The following RAB38 variants were observed in gnomAD, a reference collection of about 807,000 sequenced individuals.
RAB38 encodes the protein ras-related protein Rab-38.
A neutral mutation model predicts 18.4 loss-of-function variants in RAB38; 15 were observed. That is an observed-to-expected ratio of 0.82 (90% confidence interval 0.55 to 1.26). The LOEUF (loss-of-function observed/expected upper bound fraction) is 1.26. Among genes scored for constraint, RAB38 ranks in the 50% most tolerant of loss-of-function variants. RAB38 has a pLI of 0.00. For synonymous variants in RAB38, 101 were observed against 104.4 expected (o/e 0.97, Z 0.20); for missense variants, 294 against 267.4 (o/e 1.10, Z -0.69).
the RAB38 span, among the ~76,000 whole-genome samples, chr11:88,024,161 G>A: frequency 0.072 from 10,977 of 152,052 alleles, 646 homozygotes; most frequent in African/African-American, 0.14. Flanking sequence ...CAAGGGATTA[G>A]TAATAACCAG....
downstream of RAB38, among the ~76,000 whole-genome samples, chr11:88,112,136 T>C (rs1373146304): frequency 1.3e-5 from 2 of 152,222 alleles, no homozygotes; most frequent in African/African-American, 2.4e-5. Context: ...AATATTTCAG[T>C]ATATCAAGAC....
chr11:87,815,533 G>A, the RAB38 span: 1 of 152,142 alleles, frequency 6.6e-6, no homozygotes. Context: ...ATCCGTGAAG[G>A]ATTGTTAGAT....
intron 1 of RAB38, among the ~76,000 whole-genome samples, chr11:88,158,012 A>G (rs539422499): frequency 2.5e-4 from 38 of 152,256 alleles, no homozygotes; most frequent in Non-Finnish European, 4.4e-4. Context: ...GAAAGAATGA[A>G]CAAGATCAAT....
chr11:88,008,609 T>C, the RAB38 span, among the ~76,000 whole-genome samples: 3 of 152,352 alleles, frequency 2.0e-5, no homozygotes, highest in Middle Eastern at 3.4e-3. Context: ...CTGACTAATA[T>C]ACTCTCCAGA....
At chr11:87,976,816 T>C in the RAB38 span, among the ~76,000 whole-genome samples, 1 of 80,892 alleles carries the variant, frequency 1.2e-5, no homozygotes, top group African/African-American at 5.4e-5. Flanking sequence ...TATTATATAT[T>C]ATACAATGTA....
chr11:87,845,820 A>G, the RAB38 span, among the ~76,000 whole-genome samples: 4,444 of 152,244 alleles, frequency 0.029, 138 homozygotes, highest in African/African-American at 0.076. Context: ...TGGGAAGAAA[A>G]CAATTAGACT....
At chr11:87,841,253 A>G in the RAB38 span, among the ~76,000 whole-genome samples, 1 of 152,176 alleles carries the variant, frequency 6.6e-6, no homozygotes, top group Non-Finnish European at 1.5e-5. Context: ...AAGTAATTTA[A>G]TCATGAGGCG....
chr11:87,937,334 ATATATATATATATATATC>A, the RAB38 span, among the ~76,000 whole-genome samples: 21 of 92,928 alleles, frequency 2.3e-4, no homozygotes, highest in Non-Finnish European at 3.7e-4. Context: ...ATATATATAT[ATATATATATATATATATC>A]ATAATTCTAT....
At chr11:87,947,013 TAA>T in the RAB38 span, among the ~76,000 whole-genome samples, 1 of 151,966 alleles carries the variant, frequency 6.6e-6, no homozygotes, top group South Asian at 2.1e-4. Context: ...ACCAACAGTG[TAA>T]AAGTGTTCCT....
At chr11:87,840,350 T>C in the RAB38 span, among the ~76,000 whole-genome samples, 2 of 152,300 alleles carry the variant, frequency 1.3e-5, no homozygotes, top group Middle Eastern at 3.4e-3. Flanking sequence ...AGTAAGCAAA[T>C]AGTATAAAAC....
chr11:88,133,692 T>C (rs1942794292), intron 2 of RAB38, among the ~76,000 whole-genome samples: 1 of 152,260 alleles, frequency 6.6e-6, no homozygotes, highest in Admixed American at 6.5e-5. Context: ...AATGCAAGTT[T>C]TGATTATTTA....
the RAB38 span, among the ~76,000 whole-genome samples, chr11:87,925,920 T>C: frequency 6.6e-6 from 1 of 151,984 alleles, no homozygotes; most frequent in South Asian, 2.1e-4. Flanking sequence ...CTAACATTGA[T>C]ACCTGCCACG....
At position 88,114,156 on chromosome 11, in the gene RAB38, TA is replaced by T. The variant is rs1942515925; in HGVS notation, c.484-17del. The T allele has an allele frequency of 1.2e-6, 2 of 1,613,238 alleles. No homozygotes were observed. Among genetic ancestry groups the T allele is most frequent in the Admixed American group, 3.3e-5 (2 of 59,934 alleles). ...TTATATTTTCCTATGAGGGAAAAAA[TA>T]AAACAGCTTTTCTTATTCAATACTC... On this transcript the variant is annotated splice_polypyrimidine_tract_variant and intron_variant, in intron 2 of 2. Coordinates refer to ENST00000243662, the MANE Select transcript of RAB38 (RefSeq NM_022337.3).
the RAB38 span, among the ~76,000 whole-genome samples, chr11:88,033,574 T>A: frequency 1.3e-5 from 2 of 152,050 alleles, no homozygotes; most frequent in Non-Finnish European, 2.9e-5. Flanking sequence ...CCATGAAAAA[T>A]TGATATTGAA....
chr11:87,878,698 A>C, the RAB38 span, among the ~76,000 whole-genome samples: 3 of 151,664 alleles, frequency 2.0e-5, no homozygotes, highest in Non-Finnish European at 4.4e-5. Flanking sequence ...GTAATACCAC[A>C]TATGGGTAAG....
chr11:88,167,425 A>C (rs1199753942), intron 1 of RAB38: 1 of 152,124 alleles, frequency 6.6e-6, no homozygotes, highest in Non-Finnish European at 1.5e-5. Flanking sequence ...GTCCCAGATG[A>C]GAATATCAAC....
chr11:87,819,594 C>T, the RAB38 span, among the ~76,000 whole-genome samples: 5 of 151,530 alleles, frequency 3.3e-5, no homozygotes, highest in African/African-American at 1.2e-4. Context: ...AAAAGGAACA[C>T]AGACTCTCAA....
chr11:87,976,573 A>C, the RAB38 span, among the ~76,000 whole-genome samples: 35,790 of 109,658 alleles, frequency 0.33, 5,950 homozygotes, highest in Non-Finnish European at 0.39. Flanking sequence ...ACTATACAAT[A>C]AATATATATA....
At chr11:88,128,761 A>T (rs1942734430) in intron 2 of RAB38, among the ~76,000 whole-genome samples, 1 of 152,238 alleles carries the variant, frequency 6.6e-6, no homozygotes, top group African/African-American at 2.4e-5. Flanking sequence ...TTTCAGGCAC[A>T]TGTTCATACT....
Sources: gnomAD v4.1 joint callset for allele counts (sites outside exome capture counted in the v4.1 genomes callset) on GRCh38, gnomAD v4.1.1 for gene constraint, MANE v1.5 for transcripts, NCBI Gene and HGNC (gene_info 2026-07-23, HGNC 2026-07-21) for gene names.